The following RTKN2 variants were observed in gnomAD, a reference collection of about 807,000 sequenced individuals.
RTKN2 encodes rhotekin 2.
Under a neutral mutation model 71.5 loss-of-function variants are expected in RTKN2, and 69 were observed. The ratio of observed to expected loss-of-function variants is 0.96; its 90% CI spans 0.79 to 1.18. The LOEUF (loss-of-function observed/expected upper bound fraction) is 1.18, where lower values mean the gene tolerates loss of function less well. RTKN2 is among the 50% of genes most tolerant of loss of function. The probability of loss-of-function intolerance (pLI) is 0.00; values close to 1 mark genes in which losing one functional copy is unlikely to be tolerated. For synonymous variants in RTKN2, 236 were observed against 236.5 expected (o/e 1.00, Z 0.02); for missense variants, 724 against 719.7 (o/e 1.01, Z -0.07).
chr10:62,184,588 AC>A (rs1841105189), intron 8 of RTKN2, among the ~76,000 whole-genome samples: 1 of 152,186 alleles, frequency 6.6e-6, no homozygotes, highest in African/African-American at 2.4e-5. Flanking sequence ...AAAGCAAACA[AC>A]CTTAAAGAAT....
In RTKN2 at chr10:62,196,381, A is replaced by T. The variant is rs1841331969; in HGVS notation, c.*1527T>A. ...AAACTCTGTCTGTCCTGATGTTACCAGTCACAAGAAACCTTTTGTTATCAT... is the reference window on the plus strand; with the variant it reads ...AAACTCTGTCTGTCCTGATGTTACCTGTCACAAGAAACCTTTTGTTATCAT... On this transcript the variant is annotated 3_prime_UTR_variant, in exon 12 of 12. Coordinates refer to ENST00000373789, the MANE Select transcript of RTKN2 (RefSeq NM_145307.4). The T allele has an allele frequency of 2.0e-6, 2 of 984,958 alleles. No individual in the cohort carries two copies. The highest frequency in any genetic ancestry group is 2.4e-6 in the Non-Finnish European group (2 of 829,492). 61.0% of individuals were successfully genotyped at this position (984,958 alleles called of 1,614,324 possible).
chr10:62,243,799 A>G (rs1023592489), intron 3 of RTKN2, among the ~76,000 whole-genome samples: 2 of 152,186 alleles, frequency 1.3e-5, no homozygotes, highest in Non-Finnish European at 2.9e-5. Flanking sequence ...TTTTAATGGT[A>G]AACTGGGAGA....
chr10:62,184,197 C>G (rs1021433936), exon 9 of RTKN2: 53 of 623,062 alleles, frequency 8.5e-5, no homozygotes, highest in Middle Eastern at 4.2e-4. Context: ...AGGTGCCGTA[C>G]TGGGTGCTAG....
chr10:62,252,338 T>A (rs578061251), intron 2 of RTKN2, among the ~76,000 whole-genome samples: 1 of 152,236 alleles, frequency 6.6e-6, no homozygotes, highest in South Asian at 2.1e-4. Context: ...CTAAGGAATT[T>A]ATAACTAGCA....
Position 62,195,817 on chromosome 10 carries a change from G to A in RTKN2, c.*2091C>T. On this transcript the variant is annotated 3_prime_UTR_variant, in exon 12 of 12. Transcript: ENST00000373789. The stretch of plus-strand genomic sequence containing the variant: ...AGAGACCGAATAATTTGGTGGGGAG[G>A]GGGTGGTGGTCCTTGCTCAGGCTTT... 3 of 985,444 alleles carry A rather than the reference G, an allele frequency of 3.0e-6. No individual in the cohort carries two copies. Among genetic ancestry groups the A allele is most frequent in the Non-Finnish European group, 3.6e-6 (3 of 830,012 alleles). The allele number at this position is 985,444 out of a possible 1,614,324, so 61.0% of individuals were successfully genotyped here. A position where few individuals can be genotyped will look rare whatever the true frequency, so the allele number is the denominator to read the frequency against.
At chr10:62,240,403 A>G (rs551009091) in intron 4 of RTKN2, among the ~76,000 whole-genome samples, 5 of 152,204 alleles carry the variant, frequency 3.3e-5, no homozygotes, top group African/African-American at 1.2e-4. Flanking sequence ...AGAAAAACTT[A>G]CTCTCTTTAG....
In RTKN2 at chr10:62,199,764, G is replaced by A. The variant is rs1277366534; in HGVS notation, c.1284C>T (p.Tyr428=). 2 of 1,603,324 alleles carry A rather than the reference G, an allele frequency of 1.2e-6. No individual in the cohort carries two copies. The highest frequency in any genetic ancestry group is 1.3e-5 in the African/African-American group (1 of 74,662). ...ACAAACCCCACTTACTCATATCATG[G>A]TAGACTGAGGTTGCCTCTTTTGTCA... is the stretch of plus-strand genomic sequence containing the variant. ...LFLTKEATSV[Y]HDMSIDSPMK... Residue 428 remains tyrosine, a synonymous_variant, in exon 11 of 12, where the codon TAC becomes TAT. Coordinates refer to ENST00000373789, the MANE Select transcript of RTKN2 (RefSeq NM_145307.4).
chr10:62,217,072 A>C, intron 9 of RTKN2, 46 bp downstream of exon 9: 1 of 1,447,816 alleles, frequency 6.9e-7, no homozygotes, highest in Non-Finnish European at 9.2e-7. Context: ...ACAAAAACAA[A>C]CTTCCTAAGA....
intron 9 of RTKN2, among the ~76,000 whole-genome samples, chr10:62,208,280 C>T (rs1183343353): frequency 2.6e-5 from 4 of 152,030 alleles, no homozygotes; most frequent in Middle Eastern, 3.2e-3. Flanking sequence ...TTTGACTATA[C>T]GACCATAAAA....
In RTKN2 at chr10:62,268,649, A is replaced by C. The variant is rs369927716; in HGVS notation, c.-39T>G. 1 of 1,544,146 alleles carries C rather than the reference A, an allele frequency of 6.5e-7. No individual in the cohort carries two copies. Among genetic ancestry groups the C allele is most frequent in the South Asian group, 1.2e-5 (1 of 83,774 alleles). On this transcript the variant is annotated 5_prime_UTR_variant, in exon 1 of 12. Coordinates refer to ENST00000373789, the MANE Select transcript of RTKN2 (RefSeq NM_145307.4). ...TGTCCGGGCCGTCGCCACTCCTTCAAAGGGAAGATTTGAAAAGCCCGCCCC... is the reference window on the plus strand; with the variant it reads ...TGTCCGGGCCGTCGCCACTCCTTCACAGGGAAGATTTGAAAAGCCCGCCCC...
intron 3 of RTKN2, among the ~76,000 whole-genome samples, chr10:62,244,546 CAT>C (rs869218012): frequency 1.5e-4 from 10 of 68,494 alleles, no homozygotes; most frequent in African/African-American, 4.4e-4. Flanking sequence ...AGCAACTTAA[CAT>C]ATGTCATTTA....
intron 4 of RTKN2, among the ~76,000 whole-genome samples, chr10:62,240,324 G>C (rs914373247): frequency 6.8e-6 from 1 of 146,548 alleles, no homozygotes. Context: ...CTTTTGATTT[G>C]GTGATGTTTT....
intron 11 of RTKN2, 152 bp from the exon 12 acceptor site, chr10:62,198,595 A>G (rs992415168): frequency 3.1e-5 from 18 of 582,000 alleles, no homozygotes; most frequent in Non-Finnish European, 5.1e-5. Flanking sequence ...TAACCACACC[A>G]TCAGAACTAA....
Position 62,239,676 on chromosome 10 carries a change from C to T in RTKN2, c.460G>A (p.Asp154Asn), listed in dbSNP as rs1294100588. ...DVVNVDKTIT[D>N]ICFENVTIFN... ...ATGGTTACATTTTCAAAACATATAT[C>T]TGTGATTGTTTTATCCACATTCACC... Residue 154 changes from aspartate to asparagine, a missense_variant, in exon 5 of 12, where the codon GAT (aspartate) becomes AAT (asparagine). Physicochemically the swap from Asp to Asn is conservative, Grantham distance 23 (BLOSUM62 1). Coordinates refer to ENST00000373789, the MANE Select transcript of RTKN2 (RefSeq NM_145307.4). The T allele has an allele frequency of 1.3e-6, 2 of 1,527,176 alleles. No homozygotes were observed. The highest frequency in any genetic ancestry group is 1.8e-6 in the Non-Finnish European group (2 of 1,117,238). 94.6% of individuals were successfully genotyped at this position (1,527,176 alleles called of 1,614,324 possible). A position where few individuals can be genotyped will look rare whatever the true frequency, so the allele number is the denominator to read the frequency against.
chr10:62,202,104 A>G (rs144103774), intron 10 of RTKN2, among the ~76,000 whole-genome samples: 237 of 152,146 alleles, frequency 1.6e-3, no homozygotes, highest in Non-Finnish European at 2.9e-3. Flanking sequence ...TCTATCTTTG[A>G]CCTACCATTC....
intron 3 of RTKN2, among the ~76,000 whole-genome samples, chr10:62,245,318 G>C (rs1309391097): frequency 6.6e-6 from 1 of 152,144 alleles, no homozygotes; most frequent in Non-Finnish European, 1.5e-5. Flanking sequence ...AGATATTTAA[G>C]AGAATGTAGT....
At chr10:62,242,698 T>A (rs1232696585) in intron 3 of RTKN2, among the ~76,000 whole-genome samples, 2 of 151,764 alleles carry the variant, frequency 1.3e-5, no homozygotes, top group Non-Finnish European at 2.9e-5. Flanking sequence ...GCAACCTCCA[T>A]CCTCCCCTAC....
At chr10:62,237,704 C>A (rs1842287286) in intron 5 of RTKN2, among the ~76,000 whole-genome samples, 1 of 151,660 alleles carries the variant, frequency 6.6e-6, no homozygotes, top group South Asian at 2.1e-4. Context: ...CCTGACCCTC[C>A]CCCACTTTTG....
intron 2 of RTKN2, among the ~76,000 whole-genome samples, chr10:62,251,779 T>C (rs1474987770): frequency 1.3e-5 from 2 of 151,874 alleles, no homozygotes; most frequent in Non-Finnish European, 2.9e-5. Flanking sequence ...TAGGCAGATA[T>C]GCAAAGAGAG....
Sources: allele counts gnomAD v4.1 joint callset (sites outside exome capture counted in the v4.1 genomes callset), GRCh38; gene constraint gnomAD v4.1.1; transcripts MANE v1.5; gene names NCBI Gene and HGNC (gene_info 2026-07-23, HGNC 2026-07-21).